CDH13: variants seen among roughly 807,000 people sequenced by gnomAD.
The protein encoded by CDH13 is cadherin 13.
Under a neutral mutation model 63.8 loss-of-function variants are expected in CDH13, and 24 were observed. The ratio of observed to expected loss-of-function variants is 0.38; its 90% CI spans 0.27 to 0.53. CDH13 has a LOEUF of 0.53. Ranked by LOEUF, CDH13 falls within the 20% of genes least tolerant of loss-of-function variation. CDH13 has a pLI of 0.85. For synonymous variants in CDH13, 503 were observed against 355.3 expected, an observed-to-expected ratio of 1.42 and a Z score of -4.67; for missense variants, 1,049 against 903.1, an observed-to-expected ratio of 1.16 and a Z score of -2.07.
intron 2 of CDH13, among the ~76,000 whole-genome samples, chr16:82,937,420 CACACACACACACACACAG>C (rs2042704245): frequency 1.6e-5 from 2 of 124,172 alleles, no homozygotes; most frequent in African/African-American, 9.3e-5. Context: ...CATACACATG[CACACACACACACACACAG>C]ACACACACAC....
At chr16:83,724,919 G>A (rs1910201179) in intron 10 of CDH13, among the ~76,000 whole-genome samples, 1 of 152,108 alleles carries the variant, frequency 6.6e-6, no homozygotes, top group Non-Finnish European at 1.5e-5. Flanking sequence ...CCTACCCCTG[G>A]GACTCCCTTA....
chr16:83,493,743 A>C (rs1020245750), intron 7 of CDH13, among the ~76,000 whole-genome samples: 1 of 152,266 alleles, frequency 6.6e-6, no homozygotes, highest in Non-Finnish European at 1.5e-5. Context: ...TAAATGGGAA[A>C]CCACCATTAT....
intron 6 of CDH13, among the ~76,000 whole-genome samples, chr16:83,348,339 A>T (rs1211462683): frequency 6.6e-6 from 1 of 152,176 alleles, no homozygotes; most frequent in Non-Finnish European, 1.5e-5. Flanking sequence ...ACAGAAAATG[A>T]CTAGTTCTTC....
chr16:83,334,309 C>T (rs927519906), intron 5 of CDH13, among the ~76,000 whole-genome samples: 1 of 149,816 alleles, frequency 6.7e-6, no homozygotes, highest in Admixed American at 6.7e-5. Context: ...CTCTCTCCCC[C>T]CTCTCTCCCT....
chr16:82,966,395 C>T (rs1026880112), intron 2 of CDH13, among the ~76,000 whole-genome samples: 1 of 152,182 alleles, frequency 6.6e-6, no homozygotes, highest in African/African-American at 2.4e-5. Context: ...GATCCGCCCA[C>T]CTCCGCCTCC....
intron 6 of CDH13, among the ~76,000 whole-genome samples, chr16:83,445,224 G>A (rs1350678689): frequency 6.7e-5 from 6 of 89,846 alleles, no homozygotes; most frequent in Non-Finnish European, 5.9e-5. Flanking sequence ...GGAAACTGAG[G>A]CTGCGAGAGT....
At chr16:83,352,454 C>G (rs1233671405) in intron 6 of CDH13, among the ~76,000 whole-genome samples, 8 of 152,092 alleles carry the variant, frequency 5.3e-5, no homozygotes, top group African/African-American at 1.9e-4. Flanking sequence ...ATCCAGCAAT[C>G]CTGCTACTAC....
chr16:82,955,868 A>G (rs1181246915), intron 2 of CDH13, among the ~76,000 whole-genome samples: 1 of 152,176 alleles, frequency 6.6e-6, no homozygotes, highest in Non-Finnish European at 1.5e-5. Context: ...TTGCAATGTA[A>G]ATAAAGAGAC....
intron 10 of CDH13, among the ~76,000 whole-genome samples, chr16:83,696,160 G>C (rs1905373964): frequency 6.6e-6 from 1 of 152,094 alleles, no homozygotes; most frequent in South Asian, 2.1e-4. Flanking sequence ...CACAGTGCTG[G>C]GATTACAGAC....
chr16:83,327,021 G>A (rs1047353391), intron 5 of CDH13, among the ~76,000 whole-genome samples: 1 of 152,324 alleles, frequency 6.6e-6, no homozygotes, highest in African/African-American at 2.4e-5. Context: ...AAGAAAAGAT[G>A]TTGAGCTAGG....
chr16:83,342,580 G>T (rs1004206126), intron 5 of CDH13, among the ~76,000 whole-genome samples: 1 of 152,116 alleles, frequency 6.6e-6, no homozygotes, highest in African/African-American at 2.4e-5. Context: ...TGCATAATTG[G>T]TTTTCTGAGA....
chr16:82,945,798 C>T (rs1904648402), intron 2 of CDH13, among the ~76,000 whole-genome samples: 1 of 152,098 alleles, frequency 6.6e-6, no homozygotes. Flanking sequence ...AAAAATATTT[C>T]CTGTGATTTA....
chr16:82,794,213 A>G (rs1241459492), intron 1 of CDH13, among the ~76,000 whole-genome samples: 2 of 145,904 alleles, frequency 1.4e-5, no homozygotes, highest in Non-Finnish European at 3.0e-5. Context: ...AGCTGTCGTT[A>G]GTGTTATTTT....
chr16:82,800,699 C>A (rs1567548701), intron 1 of CDH13, among the ~76,000 whole-genome samples: 1 of 152,188 alleles, frequency 6.6e-6, no homozygotes, highest in Admixed American at 6.5e-5. Flanking sequence ...TGCCATTCAA[C>A]TGCCACACAC....
At chr16:83,227,476 T>A (rs2151799020) in intron 5 of CDH13, among the ~76,000 whole-genome samples, 1 of 152,216 alleles carries the variant, frequency 6.6e-6, no homozygotes, top group African/African-American at 2.4e-5. Flanking sequence ...TGGAAGCTGG[T>A]GGTGCCTATG....
chr16:82,930,264 G>C (rs554030255), intron 2 of CDH13, among the ~76,000 whole-genome samples: 6 of 151,906 alleles, frequency 3.9e-5, no homozygotes, highest in Admixed American at 3.9e-4. Flanking sequence ...AGCATGAGCC[G>C]CTACGTCCGG....
chr16:82,925,685 C>T (rs2042282346), intron 2 of CDH13, among the ~76,000 whole-genome samples: 1 of 152,160 alleles, frequency 6.6e-6, no homozygotes, highest in Non-Finnish European at 1.5e-5. Context: ...AGGAAACAAA[C>T]ATGTCAGACA....
intron 2 of CDH13, among the ~76,000 whole-genome samples, chr16:82,983,180 G>C (rs1302399047): frequency 6.6e-6 from 1 of 152,160 alleles, no homozygotes; most frequent in Non-Finnish European, 1.5e-5. Context: ...TGGCTCCAGG[G>C]CTTCCATATG....
chr16:83,141,239 C>G (rs1424533285), intron 4 of CDH13, among the ~76,000 whole-genome samples: 1 of 152,176 alleles, frequency 6.6e-6, no homozygotes, highest in African/African-American at 2.4e-5. Flanking sequence ...TCTGGGATCA[C>G]AAGATGGGAA....
Sources: allele counts gnomAD v4.1 joint callset (sites outside exome capture counted in the v4.1 genomes callset), GRCh38; gene constraint gnomAD v4.1.1; transcripts MANE v1.5; gene names NCBI Gene and HGNC (gene_info 2026-07-23, HGNC 2026-07-21).